The following PSD2 variants were observed in gnomAD, a reference collection of about 807,000 sequenced individuals.
PSD2 encodes the protein pleckstrin and Sec7 domain containing 2.
A neutral mutation model predicts 69.8 loss-of-function variants in PSD2; 38 were observed. The ratio of observed to expected loss-of-function variants is 0.54; its 90% CI spans 0.42 to 0.71. The LOEUF is 0.71. PSD2 is among the 30% of genes least tolerant of loss of function. The probability of loss-of-function intolerance (pLI) is 0.00; values close to 1 mark genes in which losing one functional copy is unlikely to be tolerated. For synonymous variants in PSD2, 412 were observed against 423.0 expected, an observed-to-expected ratio of 0.97 and a Z score of 0.32; for missense variants, 943 against 1,014.5, an observed-to-expected ratio of 0.93 and a Z score of 0.96.
At chr5:139,782,187 A>G in the PSD2 span, among the ~76,000 whole-genome samples, 2 of 151,484 alleles carry the variant, frequency 1.3e-5, no homozygotes, top group Non-Finnish European at 2.9e-5. Context: ...TTGTTTGTTT[A>G]TTTGTTTGTC....
intron 9 of PSD2, 114 bp downstream of exon 9, chr5:139,835,880 C>A: frequency 2.0e-6 from 2 of 1,000,414 alleles, no homozygotes; most frequent in South Asian, 1.3e-5. Flanking sequence ...CCTCCCAATC[C>A]AGGGCCTGAT....
At chr5:139,774,943 G>C in the PSD2 span, among the ~76,000 whole-genome samples, 1 of 152,154 alleles carries the variant, frequency 6.6e-6, no homozygotes, top group Non-Finnish European at 1.5e-5. Context: ...TGGAGGCGTG[G>C]AGTGTGTTCC....
In PSD2 at chr5:139,843,284, G is replaced by C. The variant is rs1383551259; in HGVS notation, c.*810G>C. 2 of 152,208 alleles carry C rather than the reference G, an allele frequency of 1.3e-5. No individual in the cohort carries two copies. Among genetic ancestry groups the C allele is most frequent in the African/African-American group, 4.8e-5 (2 of 41,452 alleles). The allele number at this position is 152,208 out of a possible 1,614,324, so 9.4% of individuals were successfully genotyped here. On this transcript the variant is annotated 3_prime_UTR_variant, in exon 15 of 15. Transcript: ENST00000274710. Reference sequence around the variant, plus strand: ...ATTCCTGACGCTCTAGGAGGGAAGGGGGAGGCAGTGCTGGCCTCCCTTGCC... The same window carrying C: ...ATTCCTGACGCTCTAGGAGGGAAGGCGGAGGCAGTGCTGGCCTCCCTTGCC...
the PSD2 span, among the ~76,000 whole-genome samples, chr5:139,776,760 C>G: frequency 6.6e-6 from 1 of 151,666 alleles, no homozygotes; most frequent in African/African-American, 2.4e-5. Flanking sequence ...CCTCAACTTC[C>G]TGGGCTCAAG....
the PSD2 span, among the ~76,000 whole-genome samples, chr5:139,770,829 C>T: frequency 6.6e-6 from 1 of 152,316 alleles, no homozygotes; most frequent in African/African-American, 2.4e-5. Flanking sequence ...CCCTTTCCCA[C>T]CATTTCAGGT....
In PSD2 at chr5:139,814,262, A is replaced by T. The variant is rs886330217; in HGVS notation, c.914A>T (p.Asn305Ile). 3 of 1,613,778 alleles carry T rather than the reference A, an allele frequency of 1.9e-6. No homozygotes were observed. Among genetic ancestry groups the T allele is most frequent in the Non-Finnish European group, 2.5e-6 (3 of 1,179,840 alleles). Residue 305 changes from asparagine (N) to isoleucine (I), a missense_variant, in exon 4 of 15, where the codon AAC becomes ATC. Transcript: ENST00000274710. The surrounding 1 kb of genome is among the most constrained non-coding windows in gnomAD (Gnocchi z 4.4). ...CCTGGTAGTGCAGACCCTCTGGCCA[A>T]CGGGTGCCAGGGGGTCAGTGAAGCT... is the stretch of plus-strand genomic sequence containing the variant. ...LEPGSADPLA[N>I]GCQGVSEAAH... is the part of the protein sequence containing the mutation.
chr5:139,816,941 T>TACAGAA lies in PSD2; in HGVS notation c.1017-540_1017-539insACAGAA, dbSNP rs1309304738. Among the ~76,000 whole-genome samples, 4 of 152,230 alleles carry TACAGAA rather than the reference T, an allele frequency of 2.6e-5. No homozygotes were observed. In the East Asian group the frequency reaches 7.7e-4, roughly 29 times the overall value. On this transcript the variant is annotated intron_variant, in intron 4 of 14. Transcript: ENST00000274710. ...CATGCCGCACGTCCATTCCATCTCC[T>TACAGAA]TGTCTTGTGGATTCTGCCCCCTAAA...
upstream of PSD2, among the ~76,000 whole-genome samples, chr5:139,793,554 C>G (rs144928571): frequency 6.8e-3 from 1,041 of 152,348 alleles, 10 homozygotes; most frequent in African/African-American, 0.022. Context: ...GGGGCAGAGA[C>G]TAGGTTCTGT....
At chr5:139,804,043 T>C (rs571626492) in intron 1 of PSD2, among the ~76,000 whole-genome samples, 3 of 152,324 alleles carry the variant, frequency 2.0e-5, no homozygotes, top group Non-Finnish European at 2.9e-5. Flanking sequence ...CTAGGCCCCA[T>C]TGCGGTGTGG....
the PSD2 span, among the ~76,000 whole-genome samples, chr5:139,761,026 A>G: frequency 6.6e-6 from 1 of 152,124 alleles, no homozygotes; most frequent in Non-Finnish European, 1.5e-5. Flanking sequence ...AAATAAATAA[A>G]AGGGAAATAC....
chr5:139,818,284 C>T (rs1284974104), intron 5 of PSD2, among the ~76,000 whole-genome samples: 2 of 152,192 alleles, frequency 1.3e-5, no homozygotes, highest in Non-Finnish European at 2.9e-5. Context: ...GTGGCTCATA[C>T]CTGTAATCCC....
chr5:139,760,914 T>C, the PSD2 span, among the ~76,000 whole-genome samples: 1 of 152,216 alleles, frequency 6.6e-6, no homozygotes, highest in Non-Finnish European at 1.5e-5. Flanking sequence ...AACAGCAGCC[T>C]GCCCCGGGGA....
chr5:139,763,036 GA>G, the PSD2 span, among the ~76,000 whole-genome samples: 4 of 152,044 alleles, frequency 2.6e-5, no homozygotes, highest in Non-Finnish European at 5.9e-5. Context: ...TCCACGGAAG[GA>G]AAAAAATTAG....
the PSD2 span, among the ~76,000 whole-genome samples, chr5:139,777,554 T>A: frequency 1.7e-3 from 265 of 152,248 alleles, 1 homozygote; most frequent in African/African-American, 6.3e-3. Flanking sequence ...ATTTTGATGA[T>A]AAAGAAAAAT....
At position 139,814,872 on chromosome 5, in the gene PSD2, G is replaced by A. The variant is rs1355958586; in HGVS notation, c.1016+508G>A. On this transcript the variant is annotated intron_variant, in intron 4 of 14. Transcript: ENST00000274710. The surrounding 1 kb of genome is among the most constrained non-coding windows in gnomAD (Gnocchi z 4.4). ...CAGGTGCAAAGGGAACTGGCTAGATGAGGGCCCCAAAGGGGACCAGGGGAC... is the reference window on the plus strand; with the variant it reads ...CAGGTGCAAAGGGAACTGGCTAGATAAGGGCCCCAAAGGGGACCAGGGGAC... 6.6e-6 allele frequency among the ~76,000 whole-genome samples: 1 copy of A among 152,168 alleles called. No individual in the cohort carries two copies. Among genetic ancestry groups the A allele is most frequent in the Admixed American group, 6.5e-5 (1 of 15,284 alleles).
At chr5:139,823,389 A>T (rs1329070820) in intron 7 of PSD2, among the ~76,000 whole-genome samples, 1 of 151,980 alleles carries the variant, frequency 6.6e-6, no homozygotes, top group Non-Finnish European at 1.5e-5. Context: ...TGTGTCCCCC[A>T]TCACCATCTG....
the PSD2 span, among the ~76,000 whole-genome samples, chr5:139,771,410 A>G: frequency 6.6e-6 from 1 of 151,140 alleles, no homozygotes; most frequent in Non-Finnish European, 1.5e-5. Context: ...ATGGAGTCTC[A>G]CTCTGTCGCC....
chr5:139,758,925 C>G, the PSD2 span, among the ~76,000 whole-genome samples: 1 of 152,186 alleles, frequency 6.6e-6, no homozygotes, highest in African/African-American at 2.4e-5. Flanking sequence ...GGGTCCCCTT[C>G]TTGCCGCTGG....
At position 139,839,412 on chromosome 5, in the gene PSD2, A is replaced by G. The variant is rs1479579459; in HGVS notation, c.1969-615A>G. ...TACACCATGTATGTGCACAAACCAT[A>G]CACATTCACATGTGTAAACACACAG... On this transcript the variant is annotated intron_variant, in intron 13 of 14. Transcript: ENST00000274710. The surrounding 1 kb of genome is among the most constrained non-coding windows in gnomAD (Gnocchi z 5.1). 6.6e-6 allele frequency among the ~76,000 whole-genome samples: 1 copy of G among 152,210 alleles called. No individual in the cohort carries two copies. The highest frequency in any genetic ancestry group is 1.5e-5 in the Non-Finnish European group (1 of 68,036).
Sources: allele counts gnomAD v4.1 joint callset (sites outside exome capture counted in the v4.1 genomes callset), GRCh38; gene constraint gnomAD v4.1.1; non-coding constraint Gnocchi (gnomAD v3.1); transcripts MANE v1.5; gene names NCBI Gene and HGNC (gene_info 2026-07-23, HGNC 2026-07-21).